The following COL4A3 variants were observed in gnomAD, a reference collection of about 807,000 sequenced individuals.
COL4A3 encodes the protein collagen type IV alpha 3 chain.
In COL4A3, 135 loss-of-function variants were observed where a neutral mutation model predicts 217.4. That is an observed-to-expected ratio of 0.62 (90% CI 0.54 to 0.72). The LOEUF is 0.72. COL4A3 is among the 30% of genes least tolerant of loss of function. The pLI is 0.00. For missense variants in COL4A3, 1,868 were observed against 2,119.9 expected, an observed-to-expected ratio of 0.88 and a Z score of 2.33; for synonymous variants, 690 against 736.3, an observed-to-expected ratio of 0.94 and a Z score of 1.02.
In COL4A3 at chr2:227,290,003, C is replaced by A; in HGVS notation, c.2985C>A (p.Pro995=). 6.2e-7 allele frequency: 1 copy of A among 1,614,074 alleles called. No individual in the cohort carries two copies. The highest frequency in any genetic ancestry group is 1.3e-5 in the African/African-American group (1 of 75,046). ...GLPGPAGPPG[P]RGDLGSTGNP... is the part of the protein sequence containing the mutation. ...AACTACTTATTTGTTCTCAAGGCCC[C>A]AGAGGAGATTTGGGCAGCACTGGGA... Residue 995 remains proline (P), a synonymous_variant, in exon 36 of 52, where the codon CCC becomes CCA. Transcript: ENST00000396578.
Position 227,304,051 on chromosome 2 carries a change from A to T in COL4A3, c.4060A>T (p.Ile1354Phe). 1 of 1,614,178 alleles carries T rather than the reference A, an allele frequency of 6.2e-7. No homozygotes were observed. The highest frequency in any genetic ancestry group is 8.5e-7 in the Non-Finnish European group (1 of 1,180,024). ...VRGDPGTLKI[I>F]SLPGSPGPPG... ...TGGAGACCCTGGCACACTTAAGATT[A>T]TCTCCCTTCCAGGAAGCCCAGGGCC... The change falls in exon 46 of 52, where the codon ATC becomes TTC. Residue 1354 changes from isoleucine (I) to phenylalanine (F), a missense_variant. Coordinates refer to ENST00000396578, the MANE Select transcript of COL4A3 (RefSeq NM_000091.5).
chr2:227,261,311 G>A (rs61413870), intron 20 of COL4A3, among the ~76,000 whole-genome samples, 194 bp downstream of exon 20: 2 of 152,208 alleles, frequency 1.3e-5, no homozygotes, highest in Non-Finnish European at 2.9e-5. Context: ...GATCACCTGA[G>A]GTCAGGAGTT....
chr2:227,280,765 G>C (rs2071906393), intron 30 of COL4A3, 128 bp from the exon 31 acceptor site: 3 of 1,007,348 alleles, frequency 3.0e-6, no homozygotes, highest in Admixed American at 3.9e-5. Flanking sequence ...TCTAGAAAAG[G>C]CATATTAATG....
At chr2:227,229,975 C>T (rs535870825) in intron 1 of COL4A3, among the ~76,000 whole-genome samples, 48 of 149,580 alleles carry the variant, frequency 3.2e-4, no homozygotes, top group African/African-American at 1.1e-3. Context: ...GGCGTGAACT[C>T]GGGAGGTGGA....
intron 20 of COL4A3, among the ~76,000 whole-genome samples, chr2:227,263,460 T>A (rs2070714358): frequency 6.6e-6 from 1 of 152,196 alleles, no homozygotes; most frequent in Admixed American, 6.5e-5. Context: ...ATAAAAAAAA[T>A]CTACAAAGTA....
chr2:227,231,377 T>A (rs917791323), intron 1 of COL4A3, among the ~76,000 whole-genome samples: 2 of 75,044 alleles, frequency 2.7e-5, no homozygotes, highest in African/African-American at 8.9e-5. Context: ...TATTTAAACA[T>A]TTTTTGTGGC....
chr2:227,231,213 T>C (rs757905313), intron 1 of COL4A3, among the ~76,000 whole-genome samples: 2 of 152,090 alleles, frequency 1.3e-5, no homozygotes, highest in Non-Finnish European at 2.9e-5. Flanking sequence ...GAGAGAACAG[T>C]CAAGCCTTTC....
At chr2:227,302,701 A>AAAAAAAAAAAAAAAAAAAAAAAAC (rs2073344885) in intron 43 of COL4A3, among the ~76,000 whole-genome samples, 2 of 136,212 alleles carry the variant, frequency 1.5e-5, no homozygotes, top group Non-Finnish European at 3.3e-5. Flanking sequence ...AAAAAAAAAA[A>AAAAAAAAAAAAAAAAAAAAAAAAC]AAAAATCATT....
chr2:227,174,456 AG>A (rs1407342058), intron 1 of COL4A3, among the ~76,000 whole-genome samples: 7 of 152,148 alleles, frequency 4.6e-5, no homozygotes, highest in African/African-American at 1.7e-4. Flanking sequence ...TGCTCCATAT[AG>A]TGCCTGGTAC....
At position 227,279,863 on chromosome 2, in the gene COL4A3, T is replaced by G. The variant is rs1251724413; in HGVS notation, c.2196T>G (p.Pro732=). The stretch of plus-strand genomic sequence containing the variant: ...GAAAAATGGGAGAGCCTGGGTTACC[T>G]GGAAAGCCAGGCCTCCCAGGAGCCA... ...CPGKMGEPGL[P]GKPGLPGAKG... Residue 732 remains proline (P), a synonymous_variant, in exon 29 of 52, where the codon CCT becomes CCG. Coordinates refer to ENST00000396578, the MANE Select transcript of COL4A3 (RefSeq NM_000091.5). 1.2e-6 allele frequency: 2 copies of G among 1,608,230 alleles called. No individual in the cohort carries two copies. Among genetic ancestry groups the G allele is most frequent in the Admixed American group, 3.4e-5 (2 of 59,352 alleles).
chr2:227,299,023 T>C (rs1048948920), intron 43 of COL4A3, among the ~76,000 whole-genome samples: 2 of 152,116 alleles, frequency 1.3e-5, no homozygotes, highest in South Asian at 4.1e-4. Flanking sequence ...AAGAAACTTA[T>C]AATCATGGCA....
At chr2:227,252,750 A>G (rs6729294) in intron 11 of COL4A3, among the ~76,000 whole-genome samples, 118,237 of 151,942 alleles carry the variant, frequency 0.78, 46,787 homozygotes, top group East Asian at 0.91. Context: ...GAAGATCTGC[A>G]TACTCAGTGG....
At chr2:227,199,969 G>A (rs997597563) in intron 1 of COL4A3, among the ~76,000 whole-genome samples, 12 of 152,162 alleles carry the variant, frequency 7.9e-5, no homozygotes, top group African/African-American at 2.9e-4. Context: ...AGTCTAGAAG[G>A]TACCACATTC....
At chr2:227,199,444 G>A (rs2066602596) in intron 1 of COL4A3, among the ~76,000 whole-genome samples, 1 of 152,186 alleles carries the variant, frequency 6.6e-6, no homozygotes, top group South Asian at 2.1e-4. Flanking sequence ...TCAATGCCCT[G>A]TTGTAGTTCA....
chr2:227,228,000 T>C (rs1301948257), intron 1 of COL4A3: 1 of 152,232 alleles, frequency 6.6e-6, no homozygotes, highest in Non-Finnish European at 1.5e-5. Context: ...TTTCTTACCA[T>C]ATTATTTATT....
chr2:227,276,346 A>C (rs2071560846), intron 26 of COL4A3, 39 bp from the exon 27 acceptor site: 1 of 1,416,290 alleles, frequency 7.1e-7, no homozygotes, highest in Non-Finnish European at 1.0e-6. Context: ...GACAAGCTTC[A>C]ATATATACCC....
At chr2:227,168,458 TTC>T (rs112105049) in intron 1 of COL4A3, among the ~76,000 whole-genome samples, 3,260 of 152,336 alleles carry the variant, frequency 0.021, 45 homozygotes, top group Middle Eastern at 0.048. Context: ...TAGTGCAACT[TTC>T]TGTCTGTTTA....
At chr2:227,267,619 T>C (rs1215750163) in intron 23 of COL4A3, among the ~76,000 whole-genome samples, 1 of 152,202 alleles carries the variant, frequency 6.6e-6, no homozygotes, top group African/African-American at 2.4e-5. Flanking sequence ...TGAGGGTACA[T>C]TTGAACGGGC....
At chr2:227,290,163 T>C (rs2072597067) in intron 36 of COL4A3, 75 bp downstream of exon 36, 2 of 1,442,546 alleles carry the variant, frequency 1.4e-6, no homozygotes, top group Admixed American at 1.7e-5. Context: ...TGTTGTGTAC[T>C]GTTTTGGTTT....
Sources: allele counts gnomAD v4.1 joint callset (sites outside exome capture counted in the v4.1 genomes callset), GRCh38; gene constraint gnomAD v4.1.1; transcripts MANE v1.5; gene names NCBI Gene and HGNC (gene_info 2026-07-23, HGNC 2026-07-21).